Variants in TMEM132D observed in about 807,000 individuals in gnomAD.
TMEM132D encodes mature OL transmembrane protein.
Under a neutral mutation model 62.3 loss-of-function variants are expected in TMEM132D, and 21 were observed. That is an observed-to-expected ratio of 0.34 (90% CI 0.24 to 0.49). TMEM132D has a LOEUF of 0.49. TMEM132D is among the 20% of genes least tolerant of loss of function. TMEM132D has a pLI of 0.99. For synonymous variants in TMEM132D, 621 were observed against 575.6 expected (o/e 1.08, Z -1.13); for missense variants, 1,346 against 1,402.8 (o/e 0.96, Z 0.65).
chr12:129,125,133 A>C (rs540294277), intron 5 of TMEM132D, among the ~76,000 whole-genome samples: 1 of 152,236 alleles, frequency 6.6e-6, no homozygotes, highest in African/African-American at 2.4e-5. Flanking sequence ...ATGCAAATAC[A>C]CTCAGAAATA....
chr12:129,729,663 T>A (rs563050022), intron 1 of TMEM132D, among the ~76,000 whole-genome samples: 7 of 152,358 alleles, frequency 4.6e-5, no homozygotes, highest in Admixed American at 4.6e-4. Context: ...ATCTTTCTAC[T>A]GGCATAAAGT....
At chr12:129,585,151 G>A (rs1408028495) in intron 2 of TMEM132D, among the ~76,000 whole-genome samples, 1 of 152,188 alleles carries the variant, frequency 6.6e-6, no homozygotes, top group African/African-American at 2.4e-5. Context: ...GAATTAAGGA[G>A]AGGCAATGGC....
At chr12:129,248,158 G>C (rs1453484125) in intron 4 of TMEM132D, among the ~76,000 whole-genome samples, 1 of 152,174 alleles carries the variant, frequency 6.6e-6, no homozygotes, top group Non-Finnish European at 1.5e-5. Context: ...ACTGACTGCT[G>C]CTGAGGAATC....
At chr12:129,675,278 A>G (rs1880598856) in intron 2 of TMEM132D, among the ~76,000 whole-genome samples, 2 of 152,150 alleles carry the variant, frequency 1.3e-5, no homozygotes, top group South Asian at 4.1e-4. Flanking sequence ...TAGGAACAGA[A>G]AACCATACAC....
intron 5 of TMEM132D, among the ~76,000 whole-genome samples, chr12:129,182,344 A>G (rs537207780): frequency 7.0e-4 from 106 of 152,336 alleles, no homozygotes; most frequent in Admixed American, 2.9e-3. Context: ...AGCCTAGGTA[A>G]CAAAGCAAGA....
chr12:129,433,571 C>A (rs1369940055), intron 3 of TMEM132D, among the ~76,000 whole-genome samples: 1 of 152,178 alleles, frequency 6.6e-6, no homozygotes, highest in Admixed American at 6.5e-5. Flanking sequence ...CTTGCTGGTA[C>A]TTCTTTCTTC....
In TMEM132D at chr12:129,516,430, G is replaced by A. The variant is rs138421308; in HGVS notation, c.1115+14629C>T. Among the ~76,000 whole-genome samples the A allele has an allele frequency of 5.2e-3, 797 of 152,302 alleles. 1 individual carries two copies. Among genetic ancestry groups the A allele is most frequent in the Non-Finnish European group, 7.7e-3 (524 of 68,034 alleles). ...GTTTAATGGACTCACAGTTCCACGT[G>A]GCTGGGGAGGCCTCACAATCATGGC... is the stretch of plus-strand genomic sequence containing the variant. On this transcript the variant is annotated intron_variant, in intron 3 of 8. Coordinates refer to ENST00000422113, the MANE Select transcript of TMEM132D (RefSeq NM_133448.3).
At chr12:129,228,613 A>T (rs1879547771) in intron 4 of TMEM132D, among the ~76,000 whole-genome samples, 1 of 152,078 alleles carries the variant, frequency 6.6e-6, no homozygotes, top group Non-Finnish European at 1.5e-5. Flanking sequence ...GAATCATGTG[A>T]TGTGTGGTCT....
intron 2 of TMEM132D, among the ~76,000 whole-genome samples, chr12:129,588,632 T>A (rs747240550): frequency 1.3e-5 from 2 of 151,804 alleles, no homozygotes; most frequent in Non-Finnish European, 2.9e-5. Flanking sequence ...TGGAGTGCAG[T>A]GGCGCCATCT....
intron 1 of TMEM132D, among the ~76,000 whole-genome samples, chr12:129,788,287 C>T (rs1871297785): frequency 1.3e-5 from 2 of 152,228 alleles, no homozygotes; most frequent in African/African-American, 4.8e-5. Flanking sequence ...TGCCTGTGAT[C>T]TCACAAACTC....
chr12:129,437,953 C>T (rs1172139280), intron 3 of TMEM132D, among the ~76,000 whole-genome samples: 1 of 146,870 alleles, frequency 6.8e-6, no homozygotes, highest in African/African-American at 2.5e-5. Flanking sequence ...TGTGTTCTCA[C>T]TGTCCAACTC....
chr12:129,288,961 G>T (rs1448904675), intron 4 of TMEM132D, among the ~76,000 whole-genome samples: 1 of 152,178 alleles, frequency 6.6e-6, no homozygotes, highest in Non-Finnish European at 1.5e-5. Flanking sequence ...ATTATGCTAA[G>T]TCAGATAAGC....
rs1879874499 is a variant in TMEM132D at position 129,649,792 on chromosome 12, G to C, written c.968+50018C>G. On this transcript the variant is annotated intron_variant, in intron 2 of 8. Transcript: ENST00000422113. ...TGTATATGTGTGTATATGTATGTGT[G>C]TGTGCGTATGTGTGTGTGTATGTGT... 2.6e-5 allele frequency among the ~76,000 whole-genome samples: 4 copies of C among 151,740 alleles called. No homozygotes were observed. In the South Asian group the frequency reaches 8.3e-4, roughly 31 times the overall value.
chr12:129,851,601 T>TGACA (rs140147848), intron 1 of TMEM132D, among the ~76,000 whole-genome samples: 1,873 of 152,340 alleles, frequency 0.012, 40 homozygotes, highest in African/African-American at 0.042. Context: ...GTAAAATGAA[T>TGACA]GACAGCACAT....
intron 3 of TMEM132D, among the ~76,000 whole-genome samples, chr12:129,522,946 T>A (rs1291749895): frequency 1.3e-5 from 1 of 79,598 alleles, no homozygotes; most frequent in Non-Finnish European, 2.6e-5. Flanking sequence ...TATGTAGACA[T>A]AGATTATATA....
intron 5 of TMEM132D, among the ~76,000 whole-genome samples, chr12:129,161,070 TA>T (rs1877387604): frequency 6.6e-6 from 1 of 152,208 alleles, no homozygotes; most frequent in African/African-American, 2.4e-5. Context: ...AGCAATGTGA[TA>T]AAAAACTCAT....
chr12:129,090,356 G>A (rs1447856009), intron 5 of TMEM132D, among the ~76,000 whole-genome samples: 2 of 152,080 alleles, frequency 1.3e-5, no homozygotes, highest in Non-Finnish European at 2.9e-5. Flanking sequence ...AATCCTCATA[G>A]GTGAGCTGAC....
chr12:129,462,827 A>G (rs1873724323), intron 3 of TMEM132D, among the ~76,000 whole-genome samples: 1 of 152,208 alleles, frequency 6.6e-6, no homozygotes, highest in South Asian at 2.1e-4. Flanking sequence ...GAATTAACCC[A>G]TTGGATTCCA....
chr12:129,399,655 T>A, intron 3 of TMEM132D, among the ~76,000 whole-genome samples: 1 of 143,580 alleles, frequency 7.0e-6, no homozygotes, highest in African/African-American at 2.6e-5. Context: ...AAAAAAAAAT[T>A]CCAGTAAGAT....
Sources: gnomAD v4.1 joint callset for allele counts (sites outside exome capture counted in the v4.1 genomes callset) on GRCh38, gnomAD v4.1.1 for gene constraint, MANE v1.5 for transcripts, NCBI Gene and HGNC (gene_info 2026-07-23, HGNC 2026-07-21) for gene names.